Variants in GPHN observed in about 807,000 individuals in gnomAD.
GPHN encodes the protein gephyrin.
Under a neutral mutation model 95.5 loss-of-function variants are expected in GPHN, and 17 were observed. The ratio of observed to expected loss-of-function variants is 0.18; its 90% CI spans 0.12 to 0.27. GPHN has a LOEUF of 0.27. Ranked by LOEUF, GPHN falls within the 10% of genes least tolerant of loss-of-function variation. The pLI, the probability that GPHN is intolerant of heterozygous loss-of-function variation, is 1.00. For missense variants in GPHN, 660 were observed against 978.1 expected, an observed-to-expected ratio of 0.67 and a Z score of 4.34; for synonymous variants, 320 against 322.5, an observed-to-expected ratio of 0.99 and a Z score of 0.08.
At chr14:67,625,890 A>C in the GPHN span, among the ~76,000 whole-genome samples, 1 of 152,202 alleles carries the variant, frequency 6.6e-6, no homozygotes, top group Non-Finnish European at 1.5e-5. Context: ...AATAGATTTA[A>C]TTAGCCACTT....
the GPHN span, among the ~76,000 whole-genome samples, chr14:67,479,658 C>T: frequency 1.6e-4 from 24 of 152,090 alleles, no homozygotes; most frequent in African/African-American, 5.3e-4. Flanking sequence ...GCGGAGGTTG[C>T]CGTGAGCCGA....
intron 2 of GPHN, among the ~76,000 whole-genome samples, chr14:66,739,143 T>A (rs889563770): frequency 1.3e-5 from 2 of 151,512 alleles, no homozygotes; most frequent in Non-Finnish European, 2.9e-5. Context: ...AACCAAAAAC[T>A]GAGCCTAGAA....
intron 2 of GPHN, among the ~76,000 whole-genome samples, chr14:66,748,036 C>T (rs2058223433): frequency 6.6e-6 from 1 of 151,936 alleles, no homozygotes; most frequent in Non-Finnish European, 1.5e-5. Context: ...TATGGTACGT[C>T]CTAAAGCTTA....
chr14:66,768,510 A>G (rs545201702), intron 2 of GPHN, among the ~76,000 whole-genome samples: 1 of 152,156 alleles, frequency 6.6e-6, no homozygotes, highest in African/African-American at 2.4e-5. Context: ...GAAAAGAGCT[A>G]TATGAGCAGT....
the GPHN span, among the ~76,000 whole-genome samples, chr14:67,463,797 A>G: frequency 2.8e-3 from 429 of 152,236 alleles, 13 homozygotes; most frequent in East Asian, 0.039. Flanking sequence ...AGCTAAATAC[A>G]CCAAACTAAG....
chr14:67,612,453 A>G, the GPHN span, among the ~76,000 whole-genome samples: 1 of 152,202 alleles, frequency 6.6e-6, no homozygotes, highest in Non-Finnish European at 1.5e-5. Flanking sequence ...AAAGGTAACA[A>G]GGAGCTTCCG....
chr14:67,232,755 A>T, the GPHN span, among the ~76,000 whole-genome samples: 4 of 152,166 alleles, frequency 2.6e-5, no homozygotes, highest in Non-Finnish European at 4.4e-5. Context: ...AGGAAAAAAA[A>T]TCAGTGCATT....
rs151262589 is a variant in GPHN at position 67,069,564 on chromosome 14, C to G, written c.1144+10778C>G. On this transcript the variant is annotated intron_variant, in intron 11 of 22. Transcript: ENST00000478722. Reference sequence around the variant, plus strand: ...GTTCCAACAGCAAAACTTAAAGGTTCCTTGACTAGAACTGCTAAAGTGGAA... The same window carrying G: ...GTTCCAACAGCAAAACTTAAAGGTTGCTTGACTAGAACTGCTAAAGTGGAA... Among the ~76,000 whole-genome samples, 454 of 152,310 alleles carry G rather than the reference C, an allele frequency of 3.0e-3. 3 individuals carry two copies. Among genetic ancestry groups the G allele is most frequent in the African/African-American group, 0.01 (436 of 41,554 alleles).
At chr14:66,839,170 A>T (rs1193567380) in intron 4 of GPHN, among the ~76,000 whole-genome samples, 1 of 152,160 alleles carries the variant, frequency 6.6e-6, no homozygotes, top group African/African-American at 2.4e-5. Context: ...GAAGCAGTAA[A>T]CCTCTCTTGT....
chr14:67,217,184 T>A, the GPHN span, among the ~76,000 whole-genome samples: 3 of 152,304 alleles, frequency 2.0e-5, no homozygotes, highest in African/African-American at 7.2e-5. Context: ...TTTTACAGTT[T>A]CTGACATAAA....
chr14:66,975,047 A>G (rs138313495), intron 9 of GPHN, among the ~76,000 whole-genome samples: 1,831 of 152,314 alleles, frequency 0.012, 18 homozygotes, highest in Non-Finnish European at 0.018. Context: ...TAAATTGTCT[A>G]TAGCTTTTAA....
At chr14:66,587,369 A>T (rs1008398186) in intron 1 of GPHN, among the ~76,000 whole-genome samples, 1 of 152,232 alleles carries the variant, frequency 6.6e-6, no homozygotes, top group Non-Finnish European at 1.5e-5. Context: ...TAAATCTTTC[A>T]AACTATTTTA....
chr14:66,860,166 G>A (rs940474170), intron 4 of GPHN, among the ~76,000 whole-genome samples: 1 of 151,968 alleles, frequency 6.6e-6, no homozygotes, highest in Non-Finnish European at 1.5e-5. Context: ...CTACCTCAAG[G>A]CATGTGAATA....
the GPHN span, among the ~76,000 whole-genome samples, chr14:67,380,319 T>G: frequency 1.3e-5 from 2 of 151,872 alleles, no homozygotes; most frequent in African/African-American, 4.8e-5. Flanking sequence ...TTAAAAGTTT[T>G]TCCATGTTTT....
At chr14:67,087,572 C>T (rs1268817180) in intron 11 of GPHN, among the ~76,000 whole-genome samples, 1 of 152,146 alleles carries the variant, frequency 6.6e-6, no homozygotes, top group Non-Finnish European at 1.5e-5. Flanking sequence ...GCTAAGTTCT[C>T]CCTTCCAATT....
At chr14:66,578,606 G>T (rs2061003531) in intron 1 of GPHN, among the ~76,000 whole-genome samples, 1 of 135,562 alleles carries the variant, frequency 7.4e-6, no homozygotes, top group Non-Finnish European at 1.5e-5. Context: ...CTCCATTATG[G>T]CTATCATTAG....
At chr14:66,798,414 G>A (rs1360414526) in intron 3 of GPHN, among the ~76,000 whole-genome samples, 2 of 151,744 alleles carry the variant, frequency 1.3e-5, no homozygotes, top group Non-Finnish European at 3.0e-5. Flanking sequence ...AAAATGTTTG[G>A]TAGAAAGCAG....
At chr14:67,068,782 G>C (rs1389535886) in intron 11 of GPHN, among the ~76,000 whole-genome samples, 1 of 152,198 alleles carries the variant, frequency 6.6e-6, no homozygotes, top group Non-Finnish European at 1.5e-5. Flanking sequence ...GTTTGGAGCA[G>C]TGAAATATCT....
At chr14:66,707,120 C>G (rs2069150441) in intron 2 of GPHN, among the ~76,000 whole-genome samples, 1 of 150,540 alleles carries the variant, frequency 6.6e-6, no homozygotes, top group Admixed American at 6.6e-5. Context: ...GAGATACCAT[C>G]TCACGCCAGT....
Sources: allele counts gnomAD v4.1 joint callset (sites outside exome capture counted in the v4.1 genomes callset), GRCh38; gene constraint gnomAD v4.1.1; transcripts MANE v1.5; gene names NCBI Gene and HGNC (gene_info 2026-07-23, HGNC 2026-07-21).